Variants in PPP1R9A observed in about 807,000 individuals in gnomAD.
PPP1R9A encodes neurabin-1.
PPP1R9A carries 59 observed loss-of-function variants against 141.9 expected under a neutral mutation model. The observed-to-expected ratio is 0.42, with a 90% confidence interval of 0.34 to 0.52. The LOEUF (loss-of-function observed/expected upper bound fraction) is 0.52. Among genes scored for constraint, PPP1R9A ranks in the 20% least tolerant of loss-of-function variants. The probability of loss-of-function intolerance (pLI) is 0.10; values close to 1 mark genes in which losing one functional copy is unlikely to be tolerated. For missense variants in PPP1R9A, 1,444 were observed against 1,611.9 expected (o/e 0.90, Z 1.78); for synonymous variants, 500 against 569.7 (o/e 0.88, Z 1.74).
chr7:95,149,810 A>G (rs1260993573), intron 4 of PPP1R9A, among the ~76,000 whole-genome samples: 1 of 141,590 alleles, frequency 7.1e-6, no homozygotes, highest in Admixed American at 7.2e-5. Context: ...ATGAAATTTC[A>G]ATCCAAATTT....
intron 7 of PPP1R9A, among the ~76,000 whole-genome samples, chr7:95,215,139 G>A (rs922538016): frequency 1.8e-5 from 2 of 108,324 alleles, no homozygotes; most frequent in African/African-American, 7.7e-5. Flanking sequence ...ACCCACAACA[G>A]GCCCCGGTGT....
chr7:95,179,850 C>T (rs1449635375), intron 5 of PPP1R9A, among the ~76,000 whole-genome samples: 1 of 143,472 alleles, frequency 7.0e-6, no homozygotes, highest in Non-Finnish European at 1.5e-5. Flanking sequence ...AGGAAAACTA[C>T]AAAACCTGCT....
rs185599547 is a variant in PPP1R9A at position 95,036,747 on chromosome 7, A to C, written c.1396-74512A>C. 5.3e-5 allele frequency: 8 copies of C among 152,348 alleles called. No homozygotes were observed. In the East Asian group the frequency reaches 1.5e-3, roughly 29 times the overall value. The allele number at this position is 152,348 out of a possible 1,614,324, so 9.4% of individuals were successfully genotyped here. A position where few individuals can be genotyped will look rare whatever the true frequency, so the allele number is the denominator to read the frequency against. On this transcript the variant is annotated intron_variant, in intron 2 of 19. Coordinates refer to ENST00000433360, the MANE Select transcript of PPP1R9A (RefSeq NM_001166160.2). ...TCATTATCTTAGATGAATTGCTTCT[A>C]ATTTGCAGAAGCGAATTCTCATCCA...
In PPP1R9A at chr7:95,056,609, T is replaced by C. The variant is rs73427050; in HGVS notation, c.1396-54650T>C. 7.8e-3 allele frequency among the ~76,000 whole-genome samples: 1,184 copies of C among 152,232 alleles called. 11 individuals carry two copies. Among genetic ancestry groups the C allele is most frequent in the African/African-American group, 0.026 (1,093 of 41,556 alleles). ...CCTGCCATATGATTTTGCAGTATTT[T>C]TCAGTTTGCAAATATTGCATGCATT... On this transcript the variant is annotated intron_variant, in intron 2 of 19. Transcript: ENST00000433360.
rs570867284 is a variant in PPP1R9A, at chr7:94,961,469, A to G, written c.1395+49961A>G. On this transcript the variant is annotated intron_variant, in intron 2 of 19. Transcript: ENST00000433360. ...CGGACAAATTCAGAGCCAAAAATCT[A>G]TAATATTTTAAGCAAAAGGTTATGT... Among the ~76,000 whole-genome samples the G allele has an allele frequency of 2.0e-5, 3 of 151,908 alleles. No individual in the cohort carries two copies. In the South Asian group the frequency reaches 6.2e-4, roughly 32 times the overall value.
At chr7:95,049,682 A>G (rs890955577) in intron 2 of PPP1R9A, among the ~76,000 whole-genome samples, 1 of 152,070 alleles carries the variant, frequency 6.6e-6, no homozygotes, top group Non-Finnish European at 1.5e-5. Flanking sequence ...GTGCTCTGCC[A>G]ATTAATCCCT....
At chr7:95,129,832 T>A (rs1029603660) in intron 4 of PPP1R9A, among the ~76,000 whole-genome samples, 7 of 152,162 alleles carry the variant, frequency 4.6e-5, no homozygotes, top group African/African-American at 1.7e-4. Flanking sequence ...CCTAGAGATC[T>A]GTGGAACTTT....
intron 8 of PPP1R9A, among the ~76,000 whole-genome samples, chr7:95,231,828 A>G (rs1242630435): frequency 6.6e-6 from 1 of 152,190 alleles, no homozygotes; most frequent in Non-Finnish European, 1.5e-5. Flanking sequence ...GTCCCACTTC[A>G]CAGAACTGAA....
chr7:94,982,388 A>G (rs548545255), intron 2 of PPP1R9A, among the ~76,000 whole-genome samples: 24 of 152,322 alleles, frequency 1.6e-4, no homozygotes, highest in African/African-American at 5.8e-4. Context: ...TAGATCCTTG[A>G]GGAATTGCCA....
intron 2 of PPP1R9A, among the ~76,000 whole-genome samples, chr7:94,921,320 G>T (rs1792789152): frequency 1.3e-5 from 2 of 151,856 alleles, no homozygotes; most frequent in African/African-American, 2.4e-5. Context: ...GGTTGCGGGC[G>T]CCTGTAGTCC....
At chr7:94,988,498 A>T (rs1160617518) in intron 2 of PPP1R9A, among the ~76,000 whole-genome samples, 2 of 152,048 alleles carry the variant, frequency 1.3e-5, no homozygotes, top group African/African-American at 2.4e-5. Flanking sequence ...TGGAGGGATG[A>T]GCCAATTTCC....
At chr7:95,060,351 T>C (rs936189164) in intron 2 of PPP1R9A, among the ~76,000 whole-genome samples, 2 of 152,142 alleles carry the variant, frequency 1.3e-5, no homozygotes, top group Admixed American at 6.5e-5. Flanking sequence ...GGGGCAGATT[T>C]GGGGATTTGT....
rs1438701645 is a variant in PPP1R9A, at chr7:94,938,398, G to A, written c.1395+26890G>A. 4.6e-5 allele frequency among the ~76,000 whole-genome samples: 7 copies of A among 152,198 alleles called. No homozygotes were observed. In the South Asian group the frequency reaches 1.5e-3, roughly 32 times the overall value. ...ACTGATAAGTACTTCAGAGATTTTG[G>A]ACAATTACTGTTCAATTTTTTGCCA... On this transcript the variant is annotated intron_variant, in intron 2 of 19. Coordinates refer to ENST00000433360, the MANE Select transcript of PPP1R9A (RefSeq NM_001166160.2).
chr7:95,251,383 T>C lies in PPP1R9A; in HGVS notation c.2397-379T>C, dbSNP rs551267386. On this transcript the variant is annotated intron_variant, in intron 10 of 19. Transcript: ENST00000433360. ...TTATCTTTTTCGAACTCTTATCTAG[T>C]TACATCAGTTTACTATACTATGCTT... Among the ~76,000 whole-genome samples the C allele has an allele frequency of 3.3e-5, 5 of 152,284 alleles. No individual in the cohort carries two copies. In the South Asian group the frequency reaches 1.0e-3, roughly 32 times the overall value.
At position 95,288,547 on chromosome 7, in the gene PPP1R9A, T is replaced by C. The variant is rs1180241221; in HGVS notation, c.3741T>C (p.Asp1247=). 1.9e-6 allele frequency: 3 copies of C among 1,613,956 alleles called. No individual in the cohort carries two copies. Among genetic ancestry groups the C allele is most frequent in the Admixed American group, 1.7e-5 (1 of 59,988 alleles). ...LALSSDEILD[D]GQSPKHSQCQ... is the part of the protein sequence containing the mutation. ...CATTCCTATCTTAGATCCTTGATGA[T>C]GGACAGTCTCCCAAACACAGTCAGT... is the stretch of plus-strand genomic sequence containing the variant. The change falls in exon 19 of 20, where the codon GAT becomes GAC. Residue 1247 remains aspartate (D), a synonymous_variant. Coordinates refer to ENST00000433360, the MANE Select transcript of PPP1R9A (RefSeq NM_001166160.2).
intron 3 of PPP1R9A, among the ~76,000 whole-genome samples, chr7:95,112,336 A>C (rs1329356090): frequency 3.9e-5 from 6 of 152,210 alleles, no homozygotes; most frequent in Admixed American, 3.3e-4. Flanking sequence ...ATCATCAGAG[A>C]AATGGAAATC....
intron 2 of PPP1R9A, among the ~76,000 whole-genome samples, chr7:94,999,390 G>T (rs551210358): frequency 6.6e-6 from 1 of 152,180 alleles, no homozygotes; most frequent in Admixed American, 6.5e-5. Context: ...CTAGATGGAT[G>T]AGAGGTGGAC....
chr7:94,932,763 A>ATTTTTTTTTTTTTTTTTTT (rs34284096), intron 2 of PPP1R9A, among the ~76,000 whole-genome samples: 1 of 119,764 alleles, frequency 8.3e-6, no homozygotes, highest in Non-Finnish European at 1.7e-5. Context: ...TACCTGAAGC[A>ATTTTTTTTTTTTTTTTTTT]TTTTTTTTTT....
chr7:95,087,206 C>G (rs1816746244), intron 2 of PPP1R9A, among the ~76,000 whole-genome samples: 1 of 151,954 alleles, frequency 6.6e-6, no homozygotes, highest in South Asian at 2.1e-4. Flanking sequence ...TAGTTTCTCA[C>G]TCTTTAAGAC....
Sources: allele counts gnomAD v4.1 joint callset (sites outside exome capture counted in the v4.1 genomes callset), GRCh38; gene constraint gnomAD v4.1.1; transcripts MANE v1.5; gene names NCBI Gene and HGNC (gene_info 2026-07-23, HGNC 2026-07-21).